The following TDRD9 variants were observed in gnomAD, a reference collection of about 807,000 sequenced individuals.
TDRD9 encodes tudor domain containing 9.
In TDRD9, 124 loss-of-function variants were observed where a neutral mutation model predicts 172.6. That is an observed-to-expected ratio of 0.72 (90% CI 0.62 to 0.83). The LOEUF is 0.83. Ranked by LOEUF, TDRD9 falls within the 40% of genes least tolerant of loss-of-function variation. TDRD9 has a pLI of 0.00. For synonymous variants in TDRD9, 619 were observed against 617.1 expected (o/e 1.00, Z -0.05); for missense variants, 1,479 against 1,714.1 (o/e 0.86, Z 2.42).
chr14:103,941,589 CATTTTA>C (rs1326398506), intron 1 of TDRD9: 2 of 1,535,046 alleles, frequency 1.3e-6, no homozygotes, highest in South Asian at 2.4e-5. Context: ...CTTTAGGTGC[CATTTTA>C]ATTCCCGAAG....
chr14:103,992,157 A>T (rs1375376174), intron 9 of TDRD9, among the ~76,000 whole-genome samples: 1 of 152,202 alleles, frequency 6.6e-6, no homozygotes, highest in Non-Finnish European at 1.5e-5. Flanking sequence ...CTTTTAAAAT[A>T]CCTTTCTGAA....
At chr14:103,952,190 G>GTGTGTGTATA (rs1366094210) in intron 1 of TDRD9, among the ~76,000 whole-genome samples, 20 of 55,522 alleles carry the variant, frequency 3.6e-4, no homozygotes, top group South Asian at 1.3e-3. Context: ...GCGTGTGTGT[G>GTGTGTGTATA]TATATATATA....
At chr14:103,970,664 A>G in intron 6 of TDRD9, 43 bp downstream of exon 6, 1 of 1,446,430 alleles carries the variant, frequency 6.9e-7, no homozygotes, top group Non-Finnish European at 9.5e-7. Flanking sequence ...TAGGATTAAG[A>G]TTCATTGTTT....
chr14:103,932,103 A>G (rs1320727371), intron 1 of TDRD9, among the ~76,000 whole-genome samples: 1 of 152,218 alleles, frequency 6.6e-6, no homozygotes, highest in East Asian at 1.9e-4. Flanking sequence ...ATTTAGCTTT[A>G]GGAAACCCTA....
intron 1 of TDRD9, among the ~76,000 whole-genome samples, chr14:103,953,585 G>C (rs146744914): frequency 4.7e-5 from 7 of 150,048 alleles, no homozygotes; most frequent in African/African-American, 1.7e-4. Flanking sequence ...CCTTCTGCAA[G>C]CTGGAGAAGA....
intron 7 of TDRD9, among the ~76,000 whole-genome samples, chr14:103,981,082 C>T (rs908006700): frequency 5.9e-5 from 9 of 152,156 alleles, no homozygotes; most frequent in African/African-American, 1.2e-4. Flanking sequence ...ACTGGAACAG[C>T]TCGTGCCCTC....
intron 9 of TDRD9, 26 bp from the exon 10 acceptor site, chr14:103,994,306 C>A: frequency 6.2e-7 from 1 of 1,603,706 alleles, no homozygotes; most frequent in South Asian, 1.1e-5. Context: ...ATGTTTATTT[C>A]CCTCCTCCAC....
Position 104,026,678 on chromosome 14 carries a change from G to C in TDRD9, c.3022-1G>C. The C allele has an allele frequency of 6.2e-7, 1 of 1,613,860 alleles. No homozygotes were observed. The highest frequency in any genetic ancestry group is 8.5e-7 in the Non-Finnish European group (1 of 1,179,806). On this transcript the variant is annotated splice_acceptor_variant, in intron 27 of 35. Coordinates refer to ENST00000409874, the MANE Select transcript of TDRD9 (RefSeq NM_153046.3). LOFTEE classifies it high-confidence loss of function. ...TGAGCTGTGCCCTTCTGTCCTTGTA[G>C]GCTTTGGAATTTAAGATTTGCAAAA...
intron 1 of TDRD9, among the ~76,000 whole-genome samples, chr14:103,934,639 G>A (rs556279143): frequency 1.3e-5 from 2 of 152,308 alleles, no homozygotes; most frequent in South Asian, 2.1e-4. Flanking sequence ...TTAGCCGGGC[G>A]TGGTGGTGGG....
At chr14:104,007,726 AT>A (rs2034488900) in intron 19 of TDRD9, among the ~76,000 whole-genome samples, 1 of 146,414 alleles carries the variant, frequency 6.8e-6, no homozygotes, top group Admixed American at 6.8e-5. Flanking sequence ...CTGTGTGGAG[AT>A]TTGCTGTGCT....
chr14:103,960,900 CTT>C (rs975552386), intron 2 of TDRD9, among the ~76,000 whole-genome samples: 16 of 152,236 alleles, frequency 1.1e-4, no homozygotes, highest in African/African-American at 3.9e-4. Context: ...GGCTTGAAGT[CTT>C]TTAGCAAAAC....
chr14:103,947,572 C>A (rs1300802583), intron 1 of TDRD9, among the ~76,000 whole-genome samples: 1 of 152,142 alleles, frequency 6.6e-6, no homozygotes, highest in African/African-American at 2.4e-5. Context: ...CGTGATCCAC[C>A]CGCCTTGGCC....
chr14:104,051,947 A>T, intron 35 of TDRD9, 34 bp from the exon 36 acceptor site: 1 of 1,458,498 alleles, frequency 6.9e-7, no homozygotes, highest in Non-Finnish European at 9.4e-7. Context: ...GCCCTGTCAC[A>T]GAGCCTGACT....
intron 2 of TDRD9, 27 bp from the exon 3 acceptor site, chr14:103,963,052 G>C: frequency 7.3e-7 from 1 of 1,366,348 alleles, no homozygotes; most frequent in Non-Finnish European, 1.0e-6. Context: ...AAATGGCATT[G>C]TATTTGTTTG....
intron 30 of TDRD9, among the ~76,000 whole-genome samples, chr14:104,033,741 G>A (rs2035358268): frequency 1.3e-5 from 2 of 152,148 alleles, no homozygotes; most frequent in African/African-American, 4.8e-5. Flanking sequence ...ACGAGGGAGT[G>A]GAGAGAGAAG....
chr14:103,941,459 T>A, intron 1 of TDRD9: 4 of 1,535,424 alleles, frequency 2.6e-6, no homozygotes, highest in Non-Finnish European at 3.5e-6. Context: ...CAAGTTGTCT[T>A]TGTTCAGTCA....
chr14:103,985,156 T>C (rs1355088626), intron 7 of TDRD9, among the ~76,000 whole-genome samples: 1 of 152,174 alleles, frequency 6.6e-6, no homozygotes, highest in Non-Finnish European at 1.5e-5. Flanking sequence ...GTTAAGACTT[T>C]GTGGGGACTG....
chr14:104,018,090 A>G lies in TDRD9; in HGVS notation c.2332-2A>G. 6.4e-7 allele frequency: 1 copy of G among 1,556,922 alleles called. No homozygotes were observed. Among genetic ancestry groups the G allele is most frequent in the Non-Finnish European group, 8.8e-7 (1 of 1,132,956 alleles). ...GCTCTGATTTTGTGTTATATTTTACAGTTGAAACACATTCCTCCCTATGGA... is the reference window on the plus strand; with the variant it reads ...GCTCTGATTTTGTGTTATATTTTACGGTTGAAACACATTCCTCCCTATGGA... On this transcript the variant is annotated splice_acceptor_variant, in intron 22 of 35. Coordinates refer to ENST00000409874, the MANE Select transcript of TDRD9 (RefSeq NM_153046.3). LOFTEE classifies it high-confidence loss of function.
intron 35 of TDRD9, among the ~76,000 whole-genome samples, chr14:104,050,444 T>C (rs1225249631): frequency 6.6e-6 from 1 of 152,162 alleles, no homozygotes; most frequent in Non-Finnish European, 1.5e-5. Context: ...TCTGTAGGGC[T>C]AGAAATGGAA....
Sources: allele counts gnomAD v4.1 joint callset (sites outside exome capture counted in the v4.1 genomes callset), GRCh38; gene constraint gnomAD v4.1.1; transcripts MANE v1.5; gene names NCBI Gene and HGNC (gene_info 2026-07-23, HGNC 2026-07-21).